ATRNL1: variants seen among roughly 807,000 people sequenced by gnomAD.
ATRNL1 encodes attractin like 1, also known as attractin-like protein 1.
A neutral mutation model predicts 182.7 loss-of-function variants in ATRNL1; 95 were observed. The ratio of observed to expected loss-of-function variants is 0.52; its 90% CI spans 0.44 to 0.62. ATRNL1 has a LOEUF of 0.62. Among genes scored for constraint, ATRNL1 ranks in the 20% least tolerant of loss-of-function variants. The pLI, the probability that ATRNL1 is intolerant of heterozygous loss-of-function variation, is 0.00. For synonymous variants in ATRNL1, 576 were observed against 568.3 expected, an observed-to-expected ratio of 1.01 and a Z score of -0.19; for missense variants, 1,471 against 1,679.5, an observed-to-expected ratio of 0.88 and a Z score of 2.17.
At chr10:115,484,001 G>T (rs1215835304) in intron 24 of ATRNL1, among the ~76,000 whole-genome samples, 1 of 151,492 alleles carries the variant, frequency 6.6e-6, no homozygotes, top group Non-Finnish European at 1.5e-5. Flanking sequence ...GAATTTGTAA[G>T]AATACAGTTG....
chr10:115,688,768 C>A (rs1322155960), intron 26 of ATRNL1, among the ~76,000 whole-genome samples: 1 of 152,076 alleles, frequency 6.6e-6, no homozygotes, highest in Non-Finnish European at 1.5e-5. Context: ...GTGGTCTATT[C>A]ACTCTGCTGA....
chr10:115,664,402 A>G (rs7907186), intron 26 of ATRNL1, among the ~76,000 whole-genome samples: 43,423 of 152,046 alleles, frequency 0.29, 6,512 homozygotes, highest in East Asian at 0.38. Context: ...AATAGTTTAT[A>G]AGGATATATG....
At chr10:115,546,434 C>T (rs554381997) in intron 25 of ATRNL1, among the ~76,000 whole-genome samples, 33 of 151,754 alleles carry the variant, frequency 2.2e-4, no homozygotes, top group African/African-American at 7.3e-4. Flanking sequence ...GGCGTGGTGG[C>T]GCACATCTGT....
chr10:115,506,284 G>C (rs1338789083), intron 24 of ATRNL1, among the ~76,000 whole-genome samples: 1 of 151,762 alleles, frequency 6.6e-6, no homozygotes, highest in Non-Finnish European at 1.5e-5. Context: ...TAAACCCAAT[G>C]GGAAAAAGAC....
Position 115,621,254 on chromosome 10 carries a change from A to AATATATATATATAT in ATRNL1, c.3795+71728_3795+71741dup, listed in dbSNP as rs781830067. Among the ~76,000 whole-genome samples the AATATATATATATAT allele has an allele frequency of 3.2e-3, 228 of 71,198 alleles. 4 individuals carry two copies. Among genetic ancestry groups the AATATATATATATAT allele is most frequent in the Middle Eastern group, 8.2e-3 (1 of 122 alleles). 46.7% of individuals were successfully genotyped at this position (71,198 alleles called of 152,430 possible). A position where few individuals can be genotyped will look rare whatever the true frequency, so the allele number is the denominator to read the frequency against. On this transcript the variant is annotated intron_variant, in intron 26 of 28. Coordinates refer to ENST00000355044, the MANE Select transcript of ATRNL1 (RefSeq NM_207303.4). ...TTCAAATAATGGCCATTGAGCTCTG[A>AATATATATATATAT]ATATATATATATATATATATATAGA... is the stretch of plus-strand genomic sequence containing the variant.
intron 28 of ATRNL1, among the ~76,000 whole-genome samples, chr10:115,942,542 G>A (rs1430551597): frequency 6.6e-6 from 1 of 152,138 alleles, no homozygotes; most frequent in Non-Finnish European, 1.5e-5. Context: ...TCCCTTTACT[G>A]TCATTTCTTT....
intron 26 of ATRNL1, among the ~76,000 whole-genome samples, chr10:115,651,393 A>G (rs1859993685): frequency 6.6e-6 from 1 of 152,178 alleles, no homozygotes. Flanking sequence ...TTTAAAAAGA[A>G]ATACTAATAT....
intron 18 of ATRNL1, among the ~76,000 whole-genome samples, chr10:115,326,539 C>T (rs1554933267): frequency 6.6e-6 from 1 of 152,116 alleles, no homozygotes. Context: ...GTGCCATCCC[C>T]ATCAAGCTAC....
intron 8 of ATRNL1, among the ~76,000 whole-genome samples, chr10:115,203,179 C>T (rs968287632): frequency 6.6e-6 from 1 of 152,036 alleles, no homozygotes; most frequent in Non-Finnish European, 1.5e-5. Context: ...AAAGCCCTAA[C>T]AATGATGAAT....
At chr10:115,867,051 TAA>T (rs2134405436) in intron 28 of ATRNL1, among the ~76,000 whole-genome samples, 1 of 152,310 alleles carries the variant, frequency 6.6e-6, no homozygotes, top group South Asian at 2.1e-4. Flanking sequence ...TTTACCATAA[TAA>T]GTCTGAATTC....
intron 24 of ATRNL1, among the ~76,000 whole-genome samples, chr10:115,504,321 A>C (rs1274277994): frequency 6.6e-6 from 1 of 152,032 alleles, no homozygotes; most frequent in Admixed American, 6.6e-5. Flanking sequence ...GGCTGAACAA[A>C]CTAAATTAGG....
intron 2 of ATRNL1, among the ~76,000 whole-genome samples, chr10:115,121,149 G>T (rs2071363757): frequency 6.6e-6 from 1 of 151,664 alleles, no homozygotes; most frequent in Admixed American, 6.6e-5. Context: ...GCCTCACTCT[G>T]TTACCCAGGC....
intron 28 of ATRNL1, among the ~76,000 whole-genome samples, chr10:115,937,929 C>T (rs182822975): frequency 3.4e-4 from 52 of 152,268 alleles, no homozygotes; most frequent in Admixed American, 5.9e-4. Flanking sequence ...GACCTGGCAC[C>T]GTTCCCTGAA....
At chr10:115,802,019 GAAAC>G (rs1469167250) in intron 27 of ATRNL1, among the ~76,000 whole-genome samples, 5 of 27,874 alleles carry the variant, frequency 1.8e-4, no homozygotes, top group African/African-American at 5.5e-4. Context: ...AAAAAAAAAA[GAAAC>G]ACACACACAC....
chr10:115,461,639 A>G (rs1039480470), intron 21 of ATRNL1, among the ~76,000 whole-genome samples: 17 of 152,110 alleles, frequency 1.1e-4, no homozygotes, highest in African/African-American at 2.2e-4. Flanking sequence ...AAAATTATAG[A>G]TAATTTTTAT....
chr10:115,739,167 C>A (rs150124166), intron 27 of ATRNL1, among the ~76,000 whole-genome samples: 1 of 151,948 alleles, frequency 6.6e-6, no homozygotes, highest in Admixed American at 6.6e-5. Context: ...TAAATAGAAA[C>A]ATTTGGATGT....
intron 5 of ATRNL1, among the ~76,000 whole-genome samples, chr10:115,143,337 C>G (rs953927975): frequency 1.3e-5 from 2 of 152,084 alleles, no homozygotes; most frequent in Non-Finnish European, 2.9e-5. Context: ...TGAACAAATC[C>G]TGCTCTCAAT....
chr10:115,766,811 TA>T (rs1289273576), intron 27 of ATRNL1, among the ~76,000 whole-genome samples: 1 of 152,208 alleles, frequency 6.6e-6, no homozygotes, highest in African/African-American at 2.4e-5. Context: ...GAATCTTCTC[TA>T]GAATTATATC....
chr10:115,456,202 A>G (rs1490090463), intron 21 of ATRNL1, among the ~76,000 whole-genome samples: 1 of 152,206 alleles, frequency 6.6e-6, no homozygotes, highest in Non-Finnish European at 1.5e-5. Context: ...TTATTGCAGC[A>G]TTATTCACAA....
Sources: gnomAD v4.1 joint callset for allele counts (sites outside exome capture counted in the v4.1 genomes callset) on GRCh38, gnomAD v4.1.1 for gene constraint, MANE v1.5 for transcripts, NCBI Gene and HGNC (gene_info 2026-07-23, HGNC 2026-07-21) for gene names.